Variants in SPTLC1 observed in about 807,000 individuals in gnomAD.
SPTLC1 encodes the protein serine palmitoyltransferase 1.
Under a neutral mutation model 68.9 loss-of-function variants are expected in SPTLC1, and 55 were observed. The ratio of observed to expected loss-of-function variants is 0.80; its 90% CI spans 0.64 to 1.00. The LOEUF (loss-of-function observed/expected upper bound fraction) is 1.00. Ranked by LOEUF, SPTLC1 falls within the 50% of genes least tolerant of loss-of-function variation. The probability of loss-of-function intolerance (pLI) is 0.00; values close to 1 mark genes in which losing one functional copy is unlikely to be tolerated. For missense variants in SPTLC1, 449 were observed against 573.1 expected, an observed-to-expected ratio of 0.78 and a Z score of 2.21; for synonymous variants, 197 against 201.6, an observed-to-expected ratio of 0.98 and a Z score of 0.19.
intron 8 of SPTLC1, among the ~76,000 whole-genome samples, chr9:92,052,650 C>T (rs1232969127): frequency 6.6e-6 from 1 of 151,944 alleles, no homozygotes; most frequent in Non-Finnish European, 1.5e-5. Context: ...CTGCCTCAGC[C>T]TCCCGAGTAG....
chr9:92,052,821 C>T (rs763280903), intron 8 of SPTLC1, among the ~76,000 whole-genome samples: 3 of 151,960 alleles, frequency 2.0e-5, no homozygotes, highest in South Asian at 4.2e-4. Flanking sequence ...CGTGAGCCAC[C>T]GTGCCCGGCC....
intron 12 of SPTLC1, 60 bp downstream of exon 12, chr9:92,045,939 A>T: frequency 6.7e-7 from 1 of 1,492,846 alleles, no homozygotes; most frequent in Non-Finnish European, 9.3e-7. Flanking sequence ...AAAACTTTCC[A>T]TTAGTTGTTA....
At chr9:92,078,620 T>A (rs1834765821) in intron 5 of SPTLC1, among the ~76,000 whole-genome samples, 2 of 152,154 alleles carry the variant, frequency 1.3e-5, no homozygotes. Context: ...TAGTGCCAGG[T>A]TTATTTTTAT....
chr9:92,102,553 A>T (rs1835793928), intron 3 of SPTLC1, among the ~76,000 whole-genome samples: 1 of 152,240 alleles, frequency 6.6e-6, no homozygotes, highest in Admixed American at 6.5e-5. Context: ...ATGTGGGGGT[A>T]GTATAGCAGG....
At position 92,047,164 on chromosome 9, in the gene SPTLC1, G is replaced by A; in HGVS notation, c.1081+8C>T. On this transcript the variant is annotated splice_region_variant and intron_variant, in intron 11 of 14. Coordinates refer to ENST00000262554, the MANE Select transcript of SPTLC1 (RefSeq NM_006415.4). ...TCTTTGATTCCTTGGGTTTTTAAAG[G>A]GTTATACCTGGATTCTCTTCCATGA... 6.2e-7 allele frequency: 1 copy of A among 1,606,172 alleles called. No homozygotes were observed. The highest frequency in any genetic ancestry group is 8.5e-7 in the Non-Finnish European group (1 of 1,173,648).
At chr9:92,062,486 C>T (rs1834141322) in intron 6 of SPTLC1, among the ~76,000 whole-genome samples, 2 of 152,052 alleles carry the variant, frequency 1.3e-5, no homozygotes, top group African/African-American at 4.8e-5. Context: ...CCCAAAAACA[C>T]CATCAACCAA....
At position 92,083,318 on chromosome 9, in the gene SPTLC1, G is replaced by A. The variant is rs535404359; in HGVS notation, c.261-2355C>T. 1.1e-4 allele frequency among the ~76,000 whole-genome samples: 17 copies of A among 152,288 alleles called. No homozygotes were observed. The East Asian group carries it at 3.3e-3, about 29-fold the overall frequency. On this transcript the variant is annotated intron_variant, in intron 3 of 14. Coordinates refer to ENST00000262554, the MANE Select transcript of SPTLC1 (RefSeq NM_006415.4). Reference sequence around the variant, plus strand: ...TTTTAGACATGAAGTCCTTGCCCATGCCTATGTCCTGAATAGTAATGCCTA... The same window carrying A: ...TTTTAGACATGAAGTCCTTGCCCATACCTATGTCCTGAATAGTAATGCCTA...
chr9:92,106,370 A>G (rs1438776257), intron 3 of SPTLC1, among the ~76,000 whole-genome samples: 4 of 150,590 alleles, frequency 2.7e-5, no homozygotes, highest in African/African-American at 9.8e-5. Context: ...GCTACTCGAG[A>G]GGCTGAGGCA....
At chr9:92,097,178 G>C (rs1004238008) in intron 3 of SPTLC1, among the ~76,000 whole-genome samples, 1 of 152,186 alleles carries the variant, frequency 6.6e-6, no homozygotes, top group Non-Finnish European at 1.5e-5. Flanking sequence ...GCATTGCTAA[G>C]GATGTGAAGA....
chr9:92,048,795 G>T (rs1833605685), intron 9 of SPTLC1, among the ~76,000 whole-genome samples: 2 of 152,136 alleles, frequency 1.3e-5, no homozygotes, highest in South Asian at 4.1e-4. Context: ...TCAGTGTTCA[G>T]ATATCTCTGA....
chr9:92,097,747 T>A (rs533451576), intron 3 of SPTLC1, among the ~76,000 whole-genome samples: 1 of 152,220 alleles, frequency 6.6e-6, no homozygotes, highest in East Asian at 1.9e-4. Flanking sequence ...ATGGTGGTGA[T>A]AGTTGTATAA....
chr9:92,051,210 G>C lies in SPTLC1; in HGVS notation c.781-1143C>G, dbSNP rs1004660791. 8.2e-6 allele frequency: 8 copies of C among 980,454 alleles called. No individual in the cohort carries two copies. The South Asian group carries it at 1.9e-4, about 23-fold the overall frequency. The allele number at this position is 980,454 out of a possible 1,614,324, so 60.7% of individuals were successfully genotyped here. On this transcript the variant is annotated intron_variant, in intron 8 of 14. Coordinates refer to ENST00000262554, the MANE Select transcript of SPTLC1 (RefSeq NM_006415.4). ...ATATATTTAGATTTCCTCAGAAATA[G>C]TGAAAACATTTAAAAACAACATATG...
intron 12 of SPTLC1, among the ~76,000 whole-genome samples, chr9:92,041,067 G>A (rs2118394776): frequency 6.6e-6 from 1 of 152,306 alleles, no homozygotes; most frequent in South Asian, 2.1e-4. Flanking sequence ...CCCAGGGACA[G>A]AGCAATCACC....
At chr9:92,083,517 A>T (rs917966637) in intron 3 of SPTLC1, among the ~76,000 whole-genome samples, 2 of 152,026 alleles carry the variant, frequency 1.3e-5, no homozygotes, top group Non-Finnish European at 2.9e-5. Context: ...CCAATGCTTG[A>T]TTTTCTCAGG....
intron 3 of SPTLC1, among the ~76,000 whole-genome samples, chr9:92,093,011 T>G (rs1220302473): frequency 6.6e-6 from 1 of 152,210 alleles, no homozygotes; most frequent in East Asian, 1.9e-4. Flanking sequence ...AACCTTTTTT[T>G]AAGCCTGAAT....
chr9:92,069,835 T>A (rs1834419430), intron 5 of SPTLC1, among the ~76,000 whole-genome samples: 1 of 152,220 alleles, frequency 6.6e-6, no homozygotes, highest in Admixed American at 6.5e-5. Flanking sequence ...ATTTGGTATC[T>A]CCATTTCAAA....
chr9:92,080,303 G>C (rs1834832668), intron 4 of SPTLC1, among the ~76,000 whole-genome samples: 1 of 152,110 alleles, frequency 6.6e-6, no homozygotes, highest in East Asian at 1.9e-4. Context: ...TTCTGCATTT[G>C]TGGGCCAAGT....
At chr9:92,041,333 A>G (rs989949831) in intron 12 of SPTLC1, among the ~76,000 whole-genome samples, 9 of 152,250 alleles carry the variant, frequency 5.9e-5, no homozygotes, top group African/African-American at 2.2e-4. Context: ...ACGAAATAAA[A>G]CCAAAAGCTA....
chr9:92,042,690 A>G (rs1043079007), intron 12 of SPTLC1, among the ~76,000 whole-genome samples: 7 of 152,232 alleles, frequency 4.6e-5, no homozygotes, highest in African/African-American at 1.7e-4. Context: ...TCCAATTAAG[A>G]TTCTAGCAAT....
Sources: gnomAD v4.1 joint callset for allele counts (sites outside exome capture counted in the v4.1 genomes callset) on GRCh38, gnomAD v4.1.1 for gene constraint, MANE v1.5 for transcripts, NCBI Gene and HGNC (gene_info 2026-07-23, HGNC 2026-07-21) for gene names.